The following MAPKAPK2 variants were observed in gnomAD, a reference collection of about 807,000 sequenced individuals.
The protein encoded by MAPKAPK2 is MAP kinase-activated protein kinase 2.
In MAPKAPK2, 9 loss-of-function variants were observed where a neutral mutation model predicts 48.8. The observed-to-expected ratio is 0.18, with a 90% confidence interval of 0.11 to 0.32. MAPKAPK2 has a LOEUF of 0.32. Among genes scored for constraint, MAPKAPK2 ranks in the 10% least tolerant of loss-of-function variants. The pLI, the probability that MAPKAPK2 is intolerant of heterozygous loss-of-function variation, is 1.00. For missense variants in MAPKAPK2, 331 were observed against 498.3 expected (o/e 0.66, Z 3.20); for synonymous variants, 202 against 190.6 (o/e 1.06, Z -0.49).
chr1:206,685,878 T>G (rs1672273061), intron 1 of MAPKAPK2, among the ~76,000 whole-genome samples: 1 of 152,152 alleles, frequency 6.6e-6, no homozygotes, highest in African/African-American at 2.4e-5. Flanking sequence ...CCCCGTCCTC[T>G]CCTCCCTCCT....
intron 1 of MAPKAPK2, among the ~76,000 whole-genome samples, chr1:206,698,021 A>C (rs1553427314): frequency 6.6e-6 from 1 of 152,268 alleles, no homozygotes; most frequent in African/African-American, 2.4e-5. Flanking sequence ...CTGGGAAAAT[A>C]ACCTGATGCT....
intron 1 of MAPKAPK2, among the ~76,000 whole-genome samples, chr1:206,702,706 A>G (rs1672834296): frequency 6.6e-6 from 1 of 152,200 alleles, no homozygotes; most frequent in Non-Finnish European, 1.5e-5. Context: ...TCCAGTGTAA[A>G]ATTCAAACTC....
Position 206,685,353 on chromosome 1 carries a change from C to T in MAPKAPK2, c.124C>T (p.Gln42Ter). The T allele has an allele frequency of 1.3e-6, 2 of 1,498,380 alleles. No homozygotes were observed. The highest frequency in any genetic ancestry group is 1.8e-6 in the Non-Finnish European group (2 of 1,115,816). 92.8% of individuals were successfully genotyped at this position (1,498,380 alleles called of 1,614,324 possible). A position where few individuals can be genotyped will look rare whatever the true frequency, so the allele number is the denominator to read the frequency against. ...PAQPPPPPPQQFPQFHVKSGL... is the reference protein window; with the variant it reads ...PAQPPPPPPQ The stretch of plus-strand genomic sequence containing the variant: ...GCAGCCGCCGCCGCCGCCCCCGCAG[C>T]AGTTCCCGCAGTTCCACGTCAAGTC... The change falls in exon 1 of 10, where the codon CAG becomes TAG. Residue 42 changes from glutamine (Q) to a stop codon, truncating the protein, a stop_gained. Coordinates refer to ENST00000367103, the MANE Select transcript of MAPKAPK2 (RefSeq NM_032960.4). LOFTEE classifies it high-confidence loss of function.
At chr1:206,685,636 G>A (rs1672266206) in intron 1 of MAPKAPK2, 128 bp downstream of exon 1, 5 of 684,998 alleles carry the variant, frequency 7.3e-6, no homozygotes, top group Non-Finnish European at 9.0e-6. Context: ...GGCGGGGCGG[G>A]GCGGCCGGGC....
chr1:206,729,927 C>T (rs1308538407), intron 4 of MAPKAPK2, 45 bp from the exon 5 acceptor site: 1 of 1,613,064 alleles, frequency 6.2e-7, no homozygotes, highest in Non-Finnish European at 8.5e-7. Context: ...GATAGCCCCT[C>T]CCAGGTCCAG....
At chr1:206,699,773 C>G (rs1672738643) in intron 1 of MAPKAPK2, among the ~76,000 whole-genome samples, 1 of 152,180 alleles carries the variant, frequency 6.6e-6, no homozygotes, top group Admixed American at 6.5e-5. Context: ...TGTTTGTGTC[C>G]TTCAGCTCAG....
At chr1:206,695,492 C>G (rs1176798287) in intron 1 of MAPKAPK2, among the ~76,000 whole-genome samples, 1 of 150,372 alleles carries the variant, frequency 6.7e-6, no homozygotes, top group Non-Finnish European at 1.5e-5. Flanking sequence ...TTTTTTCTCC[C>G]CAGCTTAAGT....
chr1:206,718,512 G>A (rs978071041), intron 1 of MAPKAPK2, among the ~76,000 whole-genome samples: 2 of 132,380 alleles, frequency 1.5e-5, no homozygotes, highest in African/African-American at 3.1e-5. Context: ...CAGCCTGGGC[G>A]ACAGAGCAAG....
chr1:206,709,991 G>A (rs554786239), intron 1 of MAPKAPK2, among the ~76,000 whole-genome samples: 1 of 152,042 alleles, frequency 6.6e-6, no homozygotes, highest in Non-Finnish European at 1.5e-5. Flanking sequence ...CTTAGTCACC[G>A]AGAAAAAATT....
chr1:206,713,657 A>G (rs1418058422), intron 1 of MAPKAPK2, among the ~76,000 whole-genome samples: 1 of 152,166 alleles, frequency 6.6e-6, no homozygotes, highest in African/African-American at 2.4e-5. Flanking sequence ...ACTTGAGGTC[A>G]GGAGATTGAG....
At chr1:206,717,207 C>T (rs782216834) in intron 1 of MAPKAPK2, among the ~76,000 whole-genome samples, 39 of 152,298 alleles carry the variant, frequency 2.6e-4, no homozygotes, top group Non-Finnish European at 4.0e-4. Context: ...AGCCATGTGG[C>T]CTTGGGCAAA....
chr1:206,687,411 A>G (rs573909328), intron 1 of MAPKAPK2, among the ~76,000 whole-genome samples: 1 of 152,364 alleles, frequency 6.6e-6, no homozygotes, highest in Admixed American at 6.5e-5. Flanking sequence ...TATCCCTCTC[A>G]GGTTAGAAGT....
At chr1:206,701,905 C>T (rs1553427974) in intron 1 of MAPKAPK2, among the ~76,000 whole-genome samples, 2 of 151,008 alleles carry the variant, frequency 1.3e-5, no homozygotes, top group African/African-American at 4.9e-5. Flanking sequence ...GGTCACCTGG[C>T]CCAGTGGCTC....
intron 1 of MAPKAPK2, among the ~76,000 whole-genome samples, chr1:206,719,916 C>T (rs1572506465): frequency 6.6e-6 from 1 of 152,304 alleles, no homozygotes. Context: ...TTTTGGTGTA[C>T]CTCCTGCACT....
chr1:206,728,914 T>C (rs1449108909), intron 2 of MAPKAPK2, 65 bp downstream of exon 2: 2 of 1,612,104 alleles, frequency 1.2e-6, no homozygotes, highest in East Asian at 2.2e-5. Context: ...CACCTTACCC[T>C]CTGAGGACAG....
chr1:206,715,175 A>G (rs1673289552), intron 1 of MAPKAPK2, among the ~76,000 whole-genome samples: 3 of 152,242 alleles, frequency 2.0e-5, no homozygotes, highest in Non-Finnish European at 4.4e-5. Context: ...TCTCCTTCAT[A>G]GAAAAGATGG....
At chr1:206,730,170 G>A (rs782679135) in intron 5 of MAPKAPK2, 72 bp downstream of exon 5, 31 of 1,579,366 alleles carry the variant, frequency 2.0e-5, no homozygotes, top group Non-Finnish European at 2.4e-5. Context: ...TTGGCTATCT[G>A]GGGGGCCGCA....
intron 1 of MAPKAPK2, among the ~76,000 whole-genome samples, chr1:206,720,965 C>A (rs550950082): frequency 6.6e-6 from 1 of 152,306 alleles, no homozygotes; most frequent in African/African-American, 2.4e-5. Flanking sequence ...TTACATAAAA[C>A]AACCTCTGTT....
At position 206,732,044 on chromosome 1, in the gene MAPKAPK2, C is replaced by G. The variant is rs781971525; in HGVS notation, c.1059+125C>G. Reference sequence around the variant, plus strand: ...TCTGCCTCTCTCATCCCAGGGGTGTCTTCATGACAAGAACAGCGACCAGGC... The same window carrying G: ...TCTGCCTCTCTCATCCCAGGGGTGTGTTCATGACAAGAACAGCGACCAGGC... On this transcript the variant is annotated intron_variant, in intron 9 of 9. Coordinates refer to ENST00000367103, the MANE Select transcript of MAPKAPK2 (RefSeq NM_032960.4). The surrounding 1 kb of genome is among the most constrained non-coding windows in gnomAD (Gnocchi z 4.4). 6.2e-7 allele frequency: 1 copy of G among 1,614,108 alleles called. No individual in the cohort carries two copies. Among genetic ancestry groups the G allele is most frequent in the Non-Finnish European group, 8.5e-7 (1 of 1,180,002 alleles).
Sources: allele counts gnomAD v4.1 joint callset (sites outside exome capture counted in the v4.1 genomes callset), GRCh38; gene constraint gnomAD v4.1.1; non-coding constraint Gnocchi (gnomAD v3.1); transcripts MANE v1.5; gene names NCBI Gene and HGNC (gene_info 2026-07-23, HGNC 2026-07-21).